Variants in SV2C observed in about 807,000 individuals in gnomAD.
SV2C encodes the protein solute carrier family 22 member B3.
In SV2C, 49 loss-of-function variants were observed where a neutral mutation model predicts 79.7. That is an observed-to-expected ratio of 0.61 (90% CI 0.49 to 0.78). The LOEUF is 0.78. Among genes scored for constraint, SV2C ranks in the 30% least tolerant of loss-of-function variants. The pLI is 0.00. For missense variants in SV2C, 833 were observed against 912.9 expected (o/e 0.91, Z 1.13); for synonymous variants, 334 against 333.2 (o/e 1.00, Z -0.03).
At chr5:76,068,826 G>A in the SV2C span, among the ~76,000 whole-genome samples, 3 of 151,720 alleles carry the variant, frequency 2.0e-5, no homozygotes, top group Admixed American at 6.6e-5. Flanking sequence ...AGTTCCTTAG[G>A]TCACCTTAAA....
intron 3 of SV2C, 76 bp from the exon 4 acceptor site, chr5:76,209,660 G>T: frequency 7.0e-7 from 1 of 1,438,552 alleles, no homozygotes; most frequent in Non-Finnish European, 9.4e-7. Flanking sequence ...GTTAGAGTTT[G>T]CTTTGGCTCT....
chr5:75,967,000 T>G, the SV2C span, among the ~76,000 whole-genome samples: 2 of 151,792 alleles, frequency 1.3e-5, no homozygotes, highest in Non-Finnish European at 2.9e-5. Flanking sequence ...ATTGCATTAA[T>G]AAGGTATATA....
the SV2C span, among the ~76,000 whole-genome samples, chr5:75,897,078 T>A: frequency 6.8e-6 from 1 of 147,346 alleles, no homozygotes; most frequent in Admixed American, 6.6e-5. Context: ...TTTAATTAGA[T>A]CCCATTTGTC....
intron 12 of SV2C, among the ~76,000 whole-genome samples, chr5:76,317,701 A>G (rs1484597117): frequency 1.3e-5 from 2 of 152,144 alleles, no homozygotes; most frequent in African/African-American, 4.8e-5. Context: ...TTGCTGGCAC[A>G]CATTTGTGGT....
intron 4 of SV2C, among the ~76,000 whole-genome samples, chr5:76,256,870 A>G (rs992387159): frequency 2.2e-4 from 34 of 152,272 alleles, no homozygotes; most frequent in Non-Finnish European, 1.0e-4. Context: ...CTTGTTAAAC[A>G]GACTTAATGA....
At chr5:75,952,357 T>A in the SV2C span, among the ~76,000 whole-genome samples, 3 of 151,704 alleles carry the variant, frequency 2.0e-5, no homozygotes, top group Admixed American at 2.0e-4. Flanking sequence ...TCTTTCATCT[T>A]CCTTTAAATA....
chr5:75,852,873 G>T, the SV2C span, among the ~76,000 whole-genome samples: 2 of 151,246 alleles, frequency 1.3e-5, no homozygotes, highest in African/African-American at 4.9e-5. Context: ...CCTAAGGCAG[G>T]TTTTCAGATG....
intron 12 of SV2C, among the ~76,000 whole-genome samples, chr5:76,349,398 G>A (rs1210401802): frequency 6.6e-6 from 1 of 151,934 alleles, no homozygotes; most frequent in Non-Finnish European, 1.5e-5. Flanking sequence ...CTGTAACCCA[G>A]CTACTCAGGA....
chr5:76,180,691 G>A (rs191909699), intron 2 of SV2C, among the ~76,000 whole-genome samples: 47 of 152,212 alleles, frequency 3.1e-4, no homozygotes, highest in Middle Eastern at 3.4e-3. Context: ...CTCCTGGCCC[G>A]AGACTGCCCC....
At chr5:75,867,074 T>C in the SV2C span, among the ~76,000 whole-genome samples, 25 of 152,158 alleles carry the variant, frequency 1.6e-4, no homozygotes, top group African/African-American at 5.6e-4. Flanking sequence ...AAGGTAGATA[T>C]AGGCCGAGAG....
the SV2C span, among the ~76,000 whole-genome samples, chr5:75,894,657 T>A: frequency 3.3e-5 from 5 of 152,092 alleles, no homozygotes; most frequent in Admixed American, 6.6e-5. Flanking sequence ...TCAAAAACAA[T>A]CAATGGCAAT....
chr5:75,959,896 C>G, the SV2C span, among the ~76,000 whole-genome samples: 1 of 151,912 alleles, frequency 6.6e-6, no homozygotes, highest in Non-Finnish European at 1.5e-5. Context: ...CTTTTAAAGA[C>G]CTAGAGCACC....
At chr5:76,216,376 G>A (rs1219704891) in intron 4 of SV2C, among the ~76,000 whole-genome samples, 3 of 152,088 alleles carry the variant, frequency 2.0e-5, no homozygotes, top group Admixed American at 1.3e-4. Context: ...GGAACTTCTG[G>A]GCCATCTGTG....
the SV2C span, among the ~76,000 whole-genome samples, chr5:76,047,412 G>T: frequency 1.3e-5 from 2 of 152,184 alleles, no homozygotes; most frequent in African/African-American, 4.8e-5. Flanking sequence ...TGGATATGCA[G>T]TTGCCAATGG....
chr5:76,214,643 C>A (rs1190746903), intron 4 of SV2C, among the ~76,000 whole-genome samples: 1 of 152,164 alleles, frequency 6.6e-6, no homozygotes, highest in East Asian at 1.9e-4. Context: ...CAATATAATT[C>A]TTTCAATCCA....
intron 4 of SV2C, among the ~76,000 whole-genome samples, chr5:76,245,936 A>ATGTGTGTG (rs60767964): frequency 5.7e-4 from 73 of 129,144 alleles, no homozygotes; most frequent in African/African-American, 1.5e-3. Flanking sequence ...GTGTGTGTGT[A>ATGTGTGTG]TGTGTGTGTG....
At chr5:75,921,167 A>T in the SV2C span, 2 of 915,948 alleles carry the variant, frequency 2.2e-6, no homozygotes, top group Non-Finnish European at 3.5e-6. Flanking sequence ...GTTGTTGGAG[A>T]TGTACTCCAA....
In SV2C at chr5:76,291,763, C is replaced by T; in HGVS notation, c.1249-5C>T. The T allele has an allele frequency of 6.2e-7, 1 of 1,601,798 alleles. No homozygotes were observed. Among genetic ancestry groups the T allele is most frequent in the Non-Finnish European group, 8.5e-7 (1 of 1,171,172 alleles). On this transcript the variant is annotated splice_polypyrimidine_tract_variant and splice_region_variant and intron_variant, in intron 7 of 12. Transcript: ENST00000502798. ...TGAGAAAACTAACTCTCTAATATTT[C>T]ACAGATTTGGTTGACTTTTATGAGA...
chr5:76,298,669 T>G (rs1004908045), intron 9 of SV2C, 125 bp from the exon 10 acceptor site: 3 of 1,104,320 alleles, frequency 2.7e-6, no homozygotes, highest in African/African-American at 1.6e-5. Context: ...AATCAAGAAC[T>G]CTGTGTTCTT....
Sources: allele counts gnomAD v4.1 joint callset (sites outside exome capture counted in the v4.1 genomes callset), GRCh38; gene constraint gnomAD v4.1.1; transcripts MANE v1.5; gene names NCBI Gene and HGNC (gene_info 2026-07-23, HGNC 2026-07-21).